PRUNE2: variants seen among roughly 807,000 people sequenced by gnomAD.
PRUNE2 encodes prune homolog 2 with BCH domain, also known as protein prune homolog 2.
Under a neutral mutation model 252.0 loss-of-function variants are expected in PRUNE2, and 164 were observed. The observed-to-expected ratio is 0.65, with a 90% confidence interval of 0.57 to 0.74. The LOEUF (loss-of-function observed/expected upper bound fraction) is 0.74, where lower values mean the gene tolerates loss of function less well. Among genes scored for constraint, PRUNE2 ranks in the 30% least tolerant of loss-of-function variants. The pLI is 0.00. For missense variants in PRUNE2, 3,495 were observed against 3,711.0 expected (o/e 0.94, Z 1.51); for synonymous variants, 1,292 against 1,350.2 (o/e 0.96, Z 0.94).
chr9:76,688,773 C>T (rs997394194), intron 9 of PRUNE2, among the ~76,000 whole-genome samples: 1 of 152,224 alleles, frequency 6.6e-6, no homozygotes, highest in Non-Finnish European at 1.5e-5. Context: ...ATACAGACTT[C>T]CTTGTTGCAG....
At chr9:76,662,517 G>A (rs1018845479) in intron 9 of PRUNE2, among the ~76,000 whole-genome samples, 1 of 152,164 alleles carries the variant, frequency 6.6e-6, no homozygotes, top group Admixed American at 6.5e-5. Context: ...AATCTGGAGG[G>A]ATTTGACTGT....
chr9:76,615,687 TAATG>T (rs1479573522), intron 18 of PRUNE2, among the ~76,000 whole-genome samples: 4 of 151,968 alleles, frequency 2.6e-5, no homozygotes, highest in Admixed American at 1.3e-4. Flanking sequence ...CAATTGTACA[TAATG>T]AACATATCAT....
At chr9:76,719,122 A>G (rs912497030) in intron 6 of PRUNE2, among the ~76,000 whole-genome samples, 21 of 145,274 alleles carry the variant, frequency 1.4e-4, no homozygotes, top group African/African-American at 5.9e-4. Flanking sequence ...GCTTTATTTT[A>G]TTTTTTTTCC....
In PRUNE2 at chr9:76,709,928, C is replaced by T; in HGVS notation, c.2346G>A (p.Trp782Ter). 6.2e-7 allele frequency: 1 copy of T among 1,613,782 alleles called. No individual in the cohort carries two copies. The highest frequency in any genetic ancestry group is 1.6e-4 in the Middle Eastern group (1 of 6,062). The part of the protein sequence containing the change: ...GRSPTAMPEP[W>*]GNPTDDGEPA... ...GTTCACCATCATCTGTAGGATTTCCCCAGGGCTCGGGCATGGCTGTGGGAG... is the reference window on the plus strand; with the variant it reads ...GTTCACCATCATCTGTAGGATTTCCTCAGGGCTCGGGCATGGCTGTGGGAG... Residue 782 changes from tryptophan (W) to a stop codon, truncating the protein, a stop_gained, in exon 8 of 19, where the codon TGG becomes TGA. Coordinates refer to ENST00000376718, the MANE Select transcript of PRUNE2 (RefSeq NM_015225.3). LOFTEE classifies it high-confidence loss of function.
intron 6 of PRUNE2, among the ~76,000 whole-genome samples, chr9:76,794,613 CA>C (rs11358425): frequency 0.21 from 14,279 of 67,500 alleles, 1,054 homozygotes; most frequent in African/African-American, 0.35. Context: ...GACTCTGTCT[CA>C]AAAAAAAAAA....
intron 6 of PRUNE2, chr9:76,739,554 T>C (rs1452727452): frequency 6.6e-6 from 1 of 151,916 alleles, no homozygotes; most frequent in Non-Finnish European, 1.5e-5. Flanking sequence ...TTTTTTTAAT[T>C]TGAGAAAGGT....
chr9:76,614,389 C>T lies in PRUNE2; in HGVS notation c.*181G>A. 1.6e-6 allele frequency: 1 copy of T among 624,332 alleles called. No individual in the cohort carries two copies. Among genetic ancestry groups the T allele is most frequent in the Non-Finnish European group, 2.8e-6 (1 of 355,002 alleles). 38.7% of individuals were successfully genotyped at this position (624,332 alleles called of 1,614,324 possible). A position where few individuals can be genotyped will look rare whatever the true frequency, so the allele number is the denominator to read the frequency against. On this transcript the variant is annotated 3_prime_UTR_variant, in exon 19 of 19. Coordinates refer to ENST00000376718, the MANE Select transcript of PRUNE2 (RefSeq NM_015225.3). ...ACATAATTGGCAAAATAGGAAAGTA[C>T]ACACAATTTCATAAAATATCTTAAG... is the stretch of plus-strand genomic sequence containing the variant.
At chr9:76,868,393 G>A (rs969552907) in intron 1 of PRUNE2, among the ~76,000 whole-genome samples, 19 of 152,172 alleles carry the variant, frequency 1.2e-4, no homozygotes, top group Admixed American at 5.2e-4. Context: ...CATGTGCCAT[G>A]AGGCTGCCTT....
At chr9:76,808,630 C>T (rs910525340) in intron 6 of PRUNE2, 10 of 152,344 alleles carry the variant, frequency 6.6e-5, no homozygotes, top group African/African-American at 2.4e-4. Flanking sequence ...AGAAGATCCT[C>T]ATCCTGCCGT....
chr9:76,640,264 T>C lies in PRUNE2; in HGVS notation c.8729-1976A>G, dbSNP rs185809930. Among the ~76,000 whole-genome samples, 203 of 152,278 alleles carry C rather than the reference T, an allele frequency of 1.3e-3. 1 individual carries two copies. Among genetic ancestry groups the C allele is most frequent in the South Asian group, 4.4e-3 (21 of 4,816 alleles). On this transcript the variant is annotated intron_variant, in intron 12 of 18. Transcript: ENST00000376718. ...AGTAAAGTAATGGCTGTGTATAGAT[T>C]TGGATGGAGTTAATTCACTCTTGAA...
intron 1 of PRUNE2, among the ~76,000 whole-genome samples, chr9:76,888,364 G>T (rs2133430467): frequency 6.6e-6 from 1 of 152,182 alleles, no homozygotes; most frequent in African/African-American, 2.4e-5. Flanking sequence ...AGATCACAGG[G>T]TCAAGAGATC....
Position 76,636,526 on chromosome 9 carries a change from C to T in PRUNE2, c.8995G>A (p.Val2999Ile), listed in dbSNP as rs994182589. 3.0e-5 allele frequency: 47 copies of T among 1,555,054 alleles called. No homozygotes were observed. The highest frequency in any genetic ancestry group is 4.0e-5 in the Non-Finnish European group (46 of 1,146,388). The stretch of plus-strand genomic sequence containing the variant: ...GTTCTGATGAACCAAGATGGATGAA[C>T]AATGATGAATGATTTCAAATTCTTC... ...LRKNLKSFII[V>I]HPSWFIRTIL... Residue 2999 changes from valine to isoleucine, a missense_variant, in exon 15 of 19, where the codon GTT (valine) becomes ATT (isoleucine). Coordinates refer to ENST00000376718, the MANE Select transcript of PRUNE2 (RefSeq NM_015225.3).
chr9:76,662,023 T>C (rs1033970971), intron 9 of PRUNE2, among the ~76,000 whole-genome samples: 3 of 152,110 alleles, frequency 2.0e-5, no homozygotes, highest in Non-Finnish European at 4.4e-5. Context: ...GTTTGGAGAC[T>C]AAAAAACACA....
At chr9:76,890,701 C>T (rs571954938) in intron 1 of PRUNE2, among the ~76,000 whole-genome samples, 1 of 152,192 alleles carries the variant, frequency 6.6e-6, no homozygotes, top group African/African-American at 2.4e-5. Context: ...CCTCCCAACA[C>T]GGGGTCTGTA....
intron 12 of PRUNE2, among the ~76,000 whole-genome samples, chr9:76,641,721 G>C (rs1842657155): frequency 1.2e-5 from 1 of 83,364 alleles, no homozygotes; most frequent in African/African-American, 6.0e-5. Context: ...TATGTGCTGG[G>C]TGGGGTGCAT....
chr9:76,612,631 TGAA>T lies in PRUNE2; in HGVS notation c.*1936_*1938del, dbSNP rs769497892. ...TTTCTGTCCAACAAGCCAGATGTTATGAAGGAGGAGATCCAACAGAACATACAA... is the reference window on the plus strand; with the variant it reads ...TTTCTGTCCAACAAGCCAGATGTTATGGAGGAGATCCAACAGAACATACAA... On this transcript the variant is annotated 3_prime_UTR_variant, in exon 19 of 19. Coordinates refer to ENST00000376718, the MANE Select transcript of PRUNE2 (RefSeq NM_015225.3). The T allele has an allele frequency of 6.6e-6, 1 of 152,170 alleles. No homozygotes were observed. The highest frequency in any genetic ancestry group is 1.5e-5 in the Non-Finnish European group (1 of 68,070). The allele number at this position is 152,170 out of a possible 1,614,324, so 9.4% of individuals were successfully genotyped here. A position where few individuals can be genotyped will look rare whatever the true frequency, so the allele number is the denominator to read the frequency against.
At position 76,709,110 on chromosome 9, in the gene PRUNE2, A is replaced by G; in HGVS notation, c.3164T>C (p.Leu1055Pro). ...CTTACCATCTGTGTGCTCTGTCTTGAGTTCATTTTCATCCAGGTTGTGAGT... is the reference window on the plus strand; with the variant it reads ...CTTACCATCTGTGTGCTCTGTCTTGGGTTCATTTTCATCCAGGTTGTGAGT... ...NTTHNLDENE[L>P]KTEHTDGKNI... is the part of the protein sequence containing the mutation. The change falls in exon 8 of 19, where the codon CTC becomes CCC. Residue 1055 changes from leucine to proline, a missense_variant. By Grantham distance (98) the Leu-to-Pro change is moderately conservative. Coordinates refer to ENST00000376718, the MANE Select transcript of PRUNE2 (RefSeq NM_015225.3). The G allele has an allele frequency of 1.2e-6, 2 of 1,613,878 alleles. No homozygotes were observed. The highest frequency in any genetic ancestry group is 1.7e-6 in the Non-Finnish European group (2 of 1,179,884).
chr9:76,888,564 G>A (rs982653410), intron 1 of PRUNE2, among the ~76,000 whole-genome samples: 36 of 149,794 alleles, frequency 2.4e-4, no homozygotes, highest in Non-Finnish European at 4.4e-5. Flanking sequence ...GTGACAGAGT[G>A]AGACTCCATC....
At chr9:76,625,084 T>C (rs970261195) in intron 16 of PRUNE2, 1 of 1,297,206 alleles carries the variant, frequency 7.7e-7, no homozygotes, top group South Asian at 1.2e-5. Context: ...ACGAGTGCCA[T>C]AAGGAAAATG....
Sources: allele counts gnomAD v4.1 joint callset (sites outside exome capture counted in the v4.1 genomes callset), GRCh38; gene constraint gnomAD v4.1.1; transcripts MANE v1.5; gene names NCBI Gene and HGNC (gene_info 2026-07-23, HGNC 2026-07-21).